Variants in SLC15A4 observed in about 807,000 individuals in gnomAD.
The protein encoded by SLC15A4 is hPHT1.
SLC15A4 carries 26 observed loss-of-function variants against 46.1 expected under a neutral mutation model. The ratio of observed to expected loss-of-function variants is 0.56; its 90% CI spans 0.41 to 0.78. SLC15A4 has a LOEUF of 0.78. Among genes scored for constraint, SLC15A4 ranks in the 30% least tolerant of loss-of-function variants. The probability of loss-of-function intolerance (pLI) is 0.00; values close to 1 mark genes in which losing one functional copy is unlikely to be tolerated. For synonymous variants in SLC15A4, 370 were observed against 333.4 expected (o/e 1.11, Z -1.20); for missense variants, 751 against 755.7 (o/e 0.99, Z 0.07).
chr12:128,807,005 C>T (rs1357006060), intron 5 of SLC15A4, among the ~76,000 whole-genome samples: 9 of 147,972 alleles, frequency 6.1e-5, no homozygotes, highest in African/African-American at 1.0e-4. Flanking sequence ...CCGGTTCAAG[C>T]GACTCTCCTG....
At chr12:128,814,646 G>A (rs1955719992) in intron 2 of SLC15A4, 129 bp downstream of exon 2, 2 of 930,488 alleles carry the variant, frequency 2.1e-6, no homozygotes, top group South Asian at 1.6e-5. Context: ...TGTTAAAGGA[G>A]AGAAGACATG....
rs1202177265 is a variant in SLC15A4 at position 128,821,980 on chromosome 12, C to T, written c.546+1418G>A. Reference sequence around the variant, plus strand: ...AAGAAGCAGACCTGACCTGCTACCCCAGCTGTAGTGCCTGCTCTGCACAAA... The same window carrying T: ...AAGAAGCAGACCTGACCTGCTACCCTAGCTGTAGTGCCTGCTCTGCACAAA... On this transcript the variant is annotated intron_variant, in intron 1 of 7. Transcript: ENST00000266771. 2.0e-5 allele frequency among the ~76,000 whole-genome samples: 3 copies of T among 152,322 alleles called. No homozygotes were observed. The East Asian group carries it at 5.8e-4, about 29-fold the overall frequency.
rs1173004853 is a variant in SLC15A4 at position 128,823,727 on chromosome 12, G to A, written c.217C>T (p.Gln73Ter). 6.5e-7 allele frequency: 1 copy of A among 1,540,400 alleles called. No individual in the cohort carries two copies. Among genetic ancestry groups the A allele is most frequent in the South Asian group, 1.2e-5 (1 of 83,854 alleles). Reference sequence around the variant, plus strand: ...AAGAGCAGCAGCGCCTCGCTGGCCTGCGCGCCCTCCCAGCAGAACGGCGCC... The same window carrying A: ...AAGAGCAGCAGCGCCTCGCTGGCCTACGCGCCCTCCCAGCAGAACGGCGCC... The part of the protein sequence containing the change: ...NGAPFCWEGA[Q>*]ASEALLLFMG... Residue 73 changes from glutamine to a stop codon, truncating the protein, a stop_gained, in exon 1 of 8, where the codon CAG becomes TAG. Transcript: ENST00000266771. LOFTEE classifies it high-confidence loss of function.
chr12:128,815,258 TAC>T, intron 1 of SLC15A4, 188 bp from the exon 2 acceptor site: 1 of 591,482 alleles, frequency 1.7e-6, no homozygotes, highest in Non-Finnish European at 3.0e-6. Context: ...TTTTAATTAC[TAC>T]AGTTGCTAGG....
intron 1 of SLC15A4, among the ~76,000 whole-genome samples, chr12:128,820,088 C>T (rs1955812731): frequency 6.6e-6 from 1 of 152,188 alleles, no homozygotes; most frequent in African/African-American, 2.4e-5. Context: ...CTTTCCAGTA[C>T]ACCTGTGTGG....
At chr12:128,816,735 G>C (rs1384657621) in intron 1 of SLC15A4, among the ~76,000 whole-genome samples, 1 of 152,168 alleles carries the variant, frequency 6.6e-6, no homozygotes, top group Non-Finnish European at 1.5e-5. Context: ...GCGAGACTGA[G>C]GTGGGAGGAT....
chr12:128,800,467 T>A (rs1955504049), intron 6 of SLC15A4, among the ~76,000 whole-genome samples: 1 of 152,208 alleles, frequency 6.6e-6, no homozygotes, highest in Non-Finnish European at 1.5e-5. Flanking sequence ...AACACGTTTC[T>A]AAAAATTAGA....
chr12:128,809,684 CA>C, intron 3 of SLC15A4: 1 of 541,500 alleles, frequency 1.8e-6, no homozygotes, highest in Non-Finnish European at 3.2e-6. Flanking sequence ...GCCAGTTATC[CA>C]AAGGAGAAAT....
At chr12:128,804,393 T>C (rs544763974) in intron 5 of SLC15A4, among the ~76,000 whole-genome samples, 16 of 152,192 alleles carry the variant, frequency 1.1e-4, no homozygotes, top group African/African-American at 2.4e-4. Context: ...AGCAAATTCA[T>C]AGCATTAAAT....
intron 1 of SLC15A4, among the ~76,000 whole-genome samples, chr12:128,816,160 G>A (rs939934948): frequency 6.6e-6 from 1 of 152,152 alleles, no homozygotes; most frequent in Admixed American, 6.5e-5. Flanking sequence ...GCAACATCTA[G>A]GCTTATGGAG....
Position 128,800,958 on chromosome 12 carries a change from T to A in SLC15A4, c.1310A>T (p.Gln437Leu). The A allele has an allele frequency of 6.2e-7, 1 of 1,614,058 alleles. No homozygotes were observed. The highest frequency in any genetic ancestry group is 8.5e-7 in the Non-Finnish European group (1 of 1,180,008). ...ATGGTAGACGACGTTGCCGATGGTC[T>A]GATTAATGGTTTTCTCTTTAACAAG... ...LNLVKEKTINQTIGNVVYHAA... is the reference protein window; with the variant it reads ...LNLVKEKTINLTIGNVVYHAA... The change falls in exon 6 of 8, where the codon CAG becomes CTG. Residue 437 changes from glutamine (Q) to leucine (L), a missense_variant. By Grantham distance (113) the Gln-to-Leu change is moderately radical. Coordinates refer to ENST00000266771, the MANE Select transcript of SLC15A4 (RefSeq NM_145648.4).
chr12:128,801,278 A>T (rs112965710), intron 5 of SLC15A4: 18 of 300,636 alleles, frequency 6.0e-5, no homozygotes, highest in African/African-American at 3.9e-4. Context: ...TGTTTCATTT[A>T]ATCCTCAAAT....
chr12:128,800,900 C>T lies in SLC15A4; in HGVS notation c.1368G>A (p.Pro456=), dbSNP rs34026236. The T allele has an allele frequency of 1.8e-3, 2,852 of 1,613,986 alleles. 39 individuals carry two copies. In the African/African-American group the frequency reaches 0.029, roughly 16 times the overall value. ...CGCTGATCCCAATCAGCAAGTACTG[C>T]GGCACCTGCCACCACAGCGACAGAT... ...AADLSLWWQV[P]QYLLIGISEI... is the part of the protein sequence containing the mutation. Residue 456 remains proline, a synonymous_variant, in exon 6 of 8, where the codon CCG becomes CCA. Coordinates refer to ENST00000266771, the MANE Select transcript of SLC15A4 (RefSeq NM_145648.4).
rs1314300738 is a variant in SLC15A4 at position 128,809,169 on chromosome 12, A to G, written c.1090-213T>C. On this transcript the variant is annotated intron_variant, in intron 4 of 7. Coordinates refer to ENST00000266771, the MANE Select transcript of SLC15A4 (RefSeq NM_145648.4). ...TCTGTGTTTTGAGGGGAAAATAATC[A>G]GGTGAAAAATACTAAGTAATGTTGA... 9 of 604,538 alleles carry G rather than the reference A, an allele frequency of 1.5e-5. No individual in the cohort carries two copies. In the East Asian group the frequency reaches 2.6e-4, roughly 17 times the overall value. 37.4% of individuals were successfully genotyped at this position (604,538 alleles called of 1,614,324 possible).
chr12:128,814,307 C>CGTATGATGGA (rs1167944085), intron 2 of SLC15A4: 7 of 35,366 alleles, frequency 2.0e-4, no homozygotes, highest in South Asian at 1.5e-3. Flanking sequence ...ATGATGGAGC[C>CGTATGATGGA]CATGCTGACC....
In SLC15A4 at chr12:128,794,117, A is replaced by G. The variant is rs150541018; in HGVS notation, c.*79T>C. On this transcript the variant is annotated 3_prime_UTR_variant, in exon 8 of 8. Coordinates refer to ENST00000266771, the MANE Select transcript of SLC15A4 (RefSeq NM_145648.4). ...GAAGTCAGACATTTTATGGGAATTT[A>G]AAGTCTTGCCTGTTCTCAGTGCACC... 17 of 1,310,952 alleles carry G rather than the reference A, an allele frequency of 1.3e-5. No homozygotes were observed. Among genetic ancestry groups the G allele is most frequent in the Non-Finnish European group, 1.5e-5 (14 of 952,422 alleles). The allele number at this position is 1,310,952 out of a possible 1,614,324, so 81.2% of individuals were successfully genotyped here.
chr12:128,811,007 G>A (rs1405028073), intron 2 of SLC15A4, among the ~76,000 whole-genome samples: 1 of 152,176 alleles, frequency 6.6e-6, no homozygotes, highest in African/African-American at 2.4e-5. Context: ...CAGGAACATG[G>A]ACCTGGCATC....
chr12:128,823,372 G>A, intron 1 of SLC15A4, 26 bp downstream of exon 1: 5 of 1,387,678 alleles, frequency 3.6e-6, no homozygotes, highest in Non-Finnish European at 4.6e-6. Flanking sequence ...ACAGGGACAG[G>A]GACAGCGCGC....
intron 2 of SLC15A4, chr12:128,813,053 G>A (rs892087578): frequency 6.6e-6 from 1 of 152,154 alleles, no homozygotes; most frequent in Non-Finnish European, 1.5e-5. Flanking sequence ...AAATGTCTAT[G>A]GGCTACCACC....
Sources: allele counts gnomAD v4.1 joint callset (sites outside exome capture counted in the v4.1 genomes callset), GRCh38; gene constraint gnomAD v4.1.1; transcripts MANE v1.5; gene names NCBI Gene and HGNC (gene_info 2026-07-23, HGNC 2026-07-21).